The following ZDHHC6 variants were observed in gnomAD, a reference collection of about 807,000 sequenced individuals.
ZDHHC6 encodes the protein zDHHC palmitoyltransferase 6, also known as palmitoyltransferase ZDHHC6.
ZDHHC6 carries 32 observed loss-of-function variants against 57.8 expected under a neutral mutation model. The observed-to-expected ratio is 0.55, with a 90% CI of 0.42 to 0.74. The LOEUF is 0.74. ZDHHC6 is among the 30% of genes least tolerant of loss of function. ZDHHC6 has a pLI of 0.00. For missense variants in ZDHHC6, 433 were observed against 500.7 expected (o/e 0.86, Z 1.29); for synonymous variants, 128 against 158.0 (o/e 0.81, Z 1.42).
At chr10:112,446,517 G>A (rs1846748107) in intron 1 of ZDHHC6, 188 bp downstream of exon 1, 1 of 152,232 alleles carries the variant, frequency 6.6e-6, no homozygotes, top group African/African-American at 2.4e-5. Context: ...CCACGCAGCA[G>A]ACGCTGTTGA....
downstream of ZDHHC6, chr10:112,427,222 A>G (rs1312239786): frequency 1.2e-6 from 2 of 1,611,746 alleles, no homozygotes; most frequent in Non-Finnish European, 1.7e-6. Context: ...TTCCAGGTCA[A>G]AGCCATTTTT....
At chr10:112,433,445 A>C in intron 7 of ZDHHC6, 164 bp from the exon 8 acceptor site, 1 of 518,674 alleles carries the variant, frequency 1.9e-6, no homozygotes, top group Non-Finnish European at 3.3e-6. Context: ...ATGGAAAAAA[A>C]GGCCCTATGC....
chr10:112,445,311 A>G lies in ZDHHC6; in HGVS notation c.126T>C (p.Ser42=). 2 of 1,614,244 alleles carry G rather than the reference A, an allele frequency of 1.2e-6. No individual in the cohort carries two copies. Among genetic ancestry groups the G allele is most frequent in the Non-Finnish European group, 1.7e-6 (2 of 1,180,046 alleles). ...TATGTAAGGGCCAATACCACAACACAGAGTCAATCATGGCCATGGTAGAAC... is the reference window on the plus strand; with the variant it reads ...TATGTAAGGGCCAATACCACAACACGGAGTCAATCATGGCCATGGTAGAAC... The part of the protein sequence containing the change: ...AICSTMAMID[S]VLWYWPLHTT... The change falls in exon 2 of 11, where the codon TCT becomes TCC. Residue 42 remains serine, a synonymous_variant. Coordinates refer to ENST00000369405, the MANE Select transcript of ZDHHC6 (RefSeq NM_022494.3).
In ZDHHC6 at chr10:112,430,327, T is replaced by C. The variant is rs1844911363; in HGVS notation, c.*477A>G. ...ATACCCAACATCCATTGATCTTTATTTGATTTGACAAAATCTGCATTTTTA... is the reference window on the plus strand; with the variant it reads ...ATACCCAACATCCATTGATCTTTATCTGATTTGACAAAATCTGCATTTTTA... On this transcript the variant is annotated 3_prime_UTR_variant, in exon 11 of 11. Coordinates refer to ENST00000369405, the MANE Select transcript of ZDHHC6 (RefSeq NM_022494.3). 1 of 152,336 alleles carries C rather than the reference T, an allele frequency of 6.6e-6. No homozygotes were observed. Among genetic ancestry groups the C allele is most frequent in the Admixed American group, 6.5e-5 (1 of 15,292 alleles). 9.4% of individuals were successfully genotyped at this position (152,336 alleles called of 1,614,324 possible).
At chr10:112,426,950 A>T (rs925784128), downstream of ZDHHC6, 7 of 1,180,608 alleles carry the variant, frequency 5.9e-6, no homozygotes, top group African/African-American at 1.1e-4. Context: ...ATAATTTCTA[A>T]GGAATTGATT....
At chr10:112,428,822 C>T (rs750202390), downstream of ZDHHC6, among the ~76,000 whole-genome samples, 16 of 152,014 alleles carry the variant, frequency 1.1e-4, no homozygotes, top group Non-Finnish European at 1.0e-4. Context: ...CTGGTTGCCA[C>T]TCCAGGGATT....
At chr10:112,438,589 C>T (rs1845771755) in intron 5 of ZDHHC6, among the ~76,000 whole-genome samples, 200 bp from the exon 6 acceptor site, 1 of 151,560 alleles carries the variant, frequency 6.6e-6, no homozygotes, top group Admixed American at 6.6e-5. Flanking sequence ...ACCACGGTAC[C>T]TCTCCGTAAC....
At chr10:112,440,459 C>T (rs1213367009) in intron 5 of ZDHHC6, 75 bp downstream of exon 5, 17 of 1,449,794 alleles carry the variant, frequency 1.2e-5, no homozygotes, top group African/African-American at 1.4e-5. Context: ...CACTTAAATA[C>T]AGGCTTTGTC....
chr10:112,447,282 C>T (rs1589768913), upstream of ZDHHC6: 7 of 1,409,454 alleles, frequency 5.0e-6, no homozygotes, highest in East Asian at 2.5e-5. Flanking sequence ...GGGGCACCTT[C>T]CGGGGTTCCT....
At chr10:112,425,562 G>C, downstream of ZDHHC6, 1 of 1,167,800 alleles carries the variant, frequency 8.6e-7, no homozygotes, top group East Asian at 2.8e-5. Context: ...TGTATAGTTG[G>C]GTTCAGAATG....
At position 112,445,499 on chromosome 10, in the gene ZDHHC6, C is replaced by CA. The variant is rs1846575439; in HGVS notation, c.-64dup. On this transcript the variant is annotated 5_prime_UTR_variant, in exon 2 of 11. It removes an upstream start codon present in the reference 5' UTR. Coordinates refer to ENST00000369405, the MANE Select transcript of ZDHHC6 (RefSeq NM_022494.3). ...TATAGATTTCCTTTTTCTGTGCGCACATTTCCATGTGCCACAAGTCCATGT... is the reference window on the plus strand; with the variant it reads ...TATAGATTTCCTTTTTCTGTGCGCACAATTTCCATGTGCCACAAGTCCATGT... 5 of 1,547,872 alleles carry CA rather than the reference C, an allele frequency of 3.2e-6. No homozygotes were observed.
At chr10:112,427,009 A>G, downstream of ZDHHC6, 2 of 855,984 alleles carry the variant, frequency 2.3e-6, no homozygotes, top group Non-Finnish European at 3.6e-6. Context: ...AGTTACTTGT[A>G]CAGCGCCCTT....
intron 2 of ZDHHC6, 144 bp downstream of exon 2, chr10:112,445,026 T>A: frequency 1.0e-6 from 1 of 965,774 alleles, no homozygotes. Flanking sequence ...TCTCCGAGCC[T>A]AAATGATCAG....
chr10:112,433,256 T>C lies in ZDHHC6; in HGVS notation c.929A>G (p.Asp310Gly). The C allele has an allele frequency of 1.9e-6, 3 of 1,591,234 alleles. No individual in the cohort carries two copies. The highest frequency in any genetic ancestry group is 2.6e-6 in the Non-Finnish European group (3 of 1,171,206). Reference sequence around the variant, plus strand: ...AGTACTTACACTTCTGACTCTCTTATCTGCTTTTTGTTTCAACTGTTCTAT... The same window carrying C: ...AGTACTTACACTTCTGACTCTCTTACCTGCTTTTTGTTTCAACTGTTCTAT... The part of the protein sequence containing the change: ...LTIEQLKQKA[D>G]KRVRSVRYKV... Residue 310 changes from aspartate to glycine, a missense_variant, in exon 8 of 11, where the codon GAT becomes GGT. Coordinates refer to ENST00000369405, the MANE Select transcript of ZDHHC6 (RefSeq NM_022494.3).
chr10:112,433,182 T>C (rs1845195017), intron 8 of ZDHHC6, 58 bp downstream of exon 8: 1 of 1,401,954 alleles, frequency 7.1e-7, no homozygotes, highest in Non-Finnish European at 9.6e-7. Context: ...AAAAACTGTA[T>C]GGAAGTACAG....
chr10:112,433,213 AATT>A, intron 8 of ZDHHC6, 24 bp downstream of exon 8: 2 of 1,556,382 alleles, frequency 1.3e-6, no homozygotes, highest in Non-Finnish European at 1.7e-6. Flanking sequence ...AAGAAAAAAA[AATT>A]ACCACTGCAA....
chr10:112,427,124 C>T, downstream of ZDHHC6: 1 of 1,314,274 alleles, frequency 7.6e-7, no homozygotes, highest in Non-Finnish European at 1.0e-6. Flanking sequence ...CCTTTCACTG[C>T]ATCAACCTCA....
At chr10:112,426,930 G>T, downstream of ZDHHC6, 1 of 1,254,388 alleles carries the variant, frequency 8.0e-7, no homozygotes, top group South Asian at 1.3e-5. Flanking sequence ...ATCTAATGAG[G>T]TTTAAATGTA....
rs184217601 is a variant in ZDHHC6, at chr10:112,437,756, G to C, written c.735+580C>G. Among the ~76,000 whole-genome samples the C allele has an allele frequency of 1.4e-3, 215 of 152,336 alleles. 1 individual carries two copies. The highest frequency in any genetic ancestry group is 4.6e-3 in the African/African-American group (190 of 41,574). ...TGCCAGGCAATTCTTTGGTATACAG[G>C]CTTGCTCCCCTTCATGGACGTTATC... is the stretch of plus-strand genomic sequence containing the variant. On this transcript the variant is annotated intron_variant, in intron 6 of 10. Coordinates refer to ENST00000369405, the MANE Select transcript of ZDHHC6 (RefSeq NM_022494.3).
Sources: allele counts gnomAD v4.1 joint callset (sites outside exome capture counted in the v4.1 genomes callset), GRCh38; gene constraint gnomAD v4.1.1; transcripts MANE v1.5; gene names NCBI Gene and HGNC (gene_info 2026-07-23, HGNC 2026-07-21).